ZNF492: variants seen among roughly 807,000 people sequenced by gnomAD.
ZNF492 encodes zinc finger protein 492.
A neutral mutation model predicts 6.4 loss-of-function variants in ZNF492; 3 were observed. That is an observed-to-expected ratio of 0.47 (90% CI 0.21 to 1.22). The LOEUF is 1.22. Ranked by LOEUF, ZNF492 falls within the 50% of genes most tolerant of loss-of-function variation. The probability of loss-of-function intolerance (pLI) is 0.22; values close to 1 mark genes in which losing one functional copy is unlikely to be tolerated. For synonymous variants in ZNF492, 112 were observed against 205.3 expected (o/e 0.55, Z 3.89); for missense variants, 356 against 612.5 (o/e 0.58, Z 4.42).
At chr19:22,655,420 G>C (rs1341492817) in intron 3 of ZNF492, among the ~76,000 whole-genome samples, 1 of 151,000 alleles carries the variant, frequency 6.6e-6, no homozygotes, top group East Asian at 1.9e-4. Flanking sequence ...GGTTAAATTT[G>C]TTCTCAGAAA....
chr19:22,653,615 C>T (rs1971964558), intron 2 of ZNF492, among the ~76,000 whole-genome samples, 182 bp downstream of exon 2: 1 of 151,928 alleles, frequency 6.6e-6, no homozygotes, highest in Non-Finnish European at 1.5e-5. Context: ...TTCCACACTC[C>T]TGAGCTGATC....
rs74406853 is a variant in ZNF492, at chr19:22,664,065, G to T, written c.396G>T (p.Thr132=). 5.0e-6 allele frequency: 8 copies of T among 1,602,938 alleles called. No homozygotes were observed. The highest frequency in any genetic ancestry group is 6.0e-6 in the Non-Finnish European group (7 of 1,174,320). ...AATTTTCAAATTCAAACAGACATAC[G>T]ATAAGACATACTGGAAAGAAATCTT... is the stretch of plus-strand genomic sequence containing the variant. The part of the protein sequence containing the change: ...FHKFSNSNRH[T]IRHTGKKSFK... Residue 132 remains threonine (T), a synonymous_variant, in exon 4 of 4, where the codon ACG becomes ACT. Coordinates refer to ENST00000456783, the MANE Select transcript of ZNF492 (RefSeq NM_020855.3).
Position 22,637,804 on chromosome 19 carries a change from T to TTCACTAC in ZNF492, c.-94+3331_-94+3332insCACTACT, listed in dbSNP as rs377737566. On this transcript the variant is annotated intron_variant, in intron 1 of 3. Coordinates refer to ENST00000456783, the MANE Select transcript of ZNF492 (RefSeq NM_020855.3). ...GTTCTGTGAGGAATCGTCACACTACTTTTTATAGTGGTTGAATAATTTACA... is the reference window on the plus strand; with the variant it reads ...GTTCTGTGAGGAATCGTCACACTACTTCACTACTTTTATAGTGGTTGAATAATTTACA... Among the ~76,000 whole-genome samples the TTCACTAC allele has an allele frequency of 8.5e-4, 129 of 152,306 alleles. 1 individual carries two copies. The highest frequency in any genetic ancestry group is 2.9e-3 in the African/African-American group (119 of 41,558).
rs1004690263 is a variant in ZNF492 at position 22,634,572 on chromosome 19, C to T, written c.-94+98C>T. On this transcript the variant is annotated intron_variant, in intron 1 of 3. Coordinates refer to ENST00000456783, the MANE Select transcript of ZNF492 (RefSeq NM_020855.3). ...GGGACTCAGGCCTCCCCGCAGTCGGCTCCACAATCTGCGCCCCAAGTTCGC... is the reference window on the plus strand; with the variant it reads ...GGGACTCAGGCCTCCCCGCAGTCGGTTCCACAATCTGCGCCCCAAGTTCGC... 2.6e-4 allele frequency: 310 copies of T among 1,171,780 alleles called. 2 individuals are homozygous for T. The highest frequency in any genetic ancestry group is 8.4e-5 in the Non-Finnish European group (68 of 809,514). 72.6% of individuals were successfully genotyped at this position (1,171,780 alleles called of 1,614,324 possible).
At chr19:22,639,066 T>C (rs1055690194) in intron 1 of ZNF492, among the ~76,000 whole-genome samples, 3 of 152,012 alleles carry the variant, frequency 2.0e-5, no homozygotes, top group Non-Finnish European at 2.9e-5. Context: ...GGTCTTCAAC[T>C]CCTGACCTCG....
At position 22,649,968 on chromosome 19, in the gene ZNF492, A is replaced by C. The variant is rs184214899; in HGVS notation, c.-93-3339A>C. 2.1e-3 allele frequency among the ~76,000 whole-genome samples: 326 copies of C among 152,036 alleles called. 2 individuals are homozygous for C. The highest frequency in any genetic ancestry group is 6.7e-3 in the African/African-American group (278 of 41,478). On this transcript the variant is annotated intron_variant, in intron 1 of 3. Coordinates refer to ENST00000456783, the MANE Select transcript of ZNF492 (RefSeq NM_020855.3). The stretch of plus-strand genomic sequence containing the variant: ...TGTCAATTTGTCTATCTCATTCTCC[A>C]TCCAGTTCTGCACCCTTGCTGGAGA...
chr19:22,663,892 G>A lies in ZNF492; in HGVS notation c.223G>A (p.Gly75Arg), dbSNP rs770288494. 16 of 1,589,044 alleles carry A rather than the reference G, an allele frequency of 1.0e-5. No homozygotes were observed. Among genetic ancestry groups the A allele is most frequent in the Middle Eastern group, 1.7e-4 (1 of 5,906 alleles). ...KVILRRYKKC[G>R]CENLQLRKYC... is the part of the protein sequence containing the mutation. ...GATACTGAGAAGATATAAAAAATGT[G>A]GATGTGAAAATTTACAGTTAAGAAA... The change falls in exon 4 of 4, where the codon GGA becomes AGA. Residue 75 changes from glycine to arginine, a missense_variant. Gly to Arg is a moderately radical substitution (Grantham distance 125). This residue lies in a region of ZNF492 where 196 missense variants were observed against 219.4 expected (regional missense o/e 0.89). Coordinates refer to ENST00000456783, the MANE Select transcript of ZNF492 (RefSeq NM_020855.3).
intron 1 of ZNF492, among the ~76,000 whole-genome samples, chr19:22,644,066 T>C (rs1336317846): frequency 1.3e-5 from 2 of 151,134 alleles, no homozygotes; most frequent in African/African-American, 4.9e-5. Flanking sequence ...GGTGGAGTTT[T>C]TTCTGTTTTG....
At chr19:22,654,129 T>A (rs1260521776) in intron 3 of ZNF492, 114 bp downstream of exon 3, 1 of 1,296,166 alleles carries the variant, frequency 7.7e-7, no homozygotes, top group East Asian at 2.7e-5. Context: ...AAGGAAATAG[T>A]TTCTGGGAAG....
At chr19:22,641,973 T>G (rs1324388704) in intron 1 of ZNF492, among the ~76,000 whole-genome samples, 1 of 152,052 alleles carries the variant, frequency 6.6e-6, no homozygotes, top group Admixed American at 6.6e-5. Flanking sequence ...TTTTGTGTTT[T>G]TAGTACAGAC....
Position 22,664,621 on chromosome 19 carries a change from T to G in ZNF492, c.952T>G (p.Phe318Val). The part of the protein sequence containing the change: ...FYKCEECGKA[F>V]SQLSHLTTHK... ...CAAATGTGAAGAATGTGGTAAGGCC[T>G]TTAGCCAGTTATCCCACCTTACTAC... The change falls in exon 4 of 4, where the codon TTT (phenylalanine) becomes GTT (valine). Residue 318 changes from phenylalanine to valine, a missense_variant. Physicochemically the swap from Phe to Val is conservative, Grantham distance 50. Transcript: ENST00000456783. The G allele has an allele frequency of 6.2e-7, 1 of 1,613,704 alleles. No individual in the cohort carries two copies. The highest frequency in any genetic ancestry group is 8.5e-7 in the Non-Finnish European group (1 of 1,179,866).
chr19:22,657,908 A>C (rs1351763854), intron 3 of ZNF492, among the ~76,000 whole-genome samples: 2 of 151,972 alleles, frequency 1.3e-5, no homozygotes, highest in Non-Finnish European at 2.9e-5. Flanking sequence ...CTGATTTTTA[A>C]TGGTGGCTTT....
chr19:22,657,475 T>G lies in ZNF492; in HGVS notation c.130+3460T>G, dbSNP rs1043079145. On this transcript the variant is annotated intron_variant, in intron 3 of 3. Transcript: ENST00000456783. ...ATCAGTTTGTCATTAGAGTCTTCTGTTTATGATTATACTGCATTTTATCTG... is the reference window on the plus strand; with the variant it reads ...ATCAGTTTGTCATTAGAGTCTTCTGGTTATGATTATACTGCATTTTATCTG... Among the ~76,000 whole-genome samples, 20 of 152,094 alleles carry G rather than the reference T, an allele frequency of 1.3e-4. 1 individual carries two copies. Among genetic ancestry groups the G allele is most frequent in the African/African-American group, 4.8e-4 (20 of 41,376 alleles).
At chr19:22,660,168 CT>C (rs1972044022) in intron 3 of ZNF492, among the ~76,000 whole-genome samples, 1 of 145,214 alleles carries the variant, frequency 6.9e-6, no homozygotes, top group African/African-American at 2.7e-5. Context: ...TAGATCTCTA[CT>C]GACTCTTGTA....
At chr19:22,660,600 T>C (rs532854998) in intron 3 of ZNF492, among the ~76,000 whole-genome samples, 13 of 149,992 alleles carry the variant, frequency 8.7e-5, no homozygotes, top group African/African-American at 3.2e-4. Context: ...AACAGTTGTT[T>C]ATAATTTCTG....
chr19:22,640,811 A>G (rs964595836), intron 1 of ZNF492, among the ~76,000 whole-genome samples: 3 of 152,072 alleles, frequency 2.0e-5, no homozygotes, highest in South Asian at 4.1e-4. Flanking sequence ...TTATTTATCT[A>G]TTAAGGGCTT....
At chr19:22,649,900 G>T (rs1971922215) in intron 1 of ZNF492, among the ~76,000 whole-genome samples, 1 of 152,060 alleles carries the variant, frequency 6.6e-6, no homozygotes, top group Non-Finnish European at 1.5e-5. Flanking sequence ...TGCTCCTTTA[G>T]CTCAGTGGAG....
intron 1 of ZNF492, 96 bp from the exon 2 acceptor site, chr19:22,653,211 A>G: frequency 7.1e-7 from 1 of 1,403,194 alleles, no homozygotes; most frequent in Non-Finnish European, 9.8e-7. Context: ...ATAAGTAAGA[A>G]CCAGTTCTCT....
At chr19:22,655,810 CTTGTTGTTTTT>C (rs1971989297) in intron 3 of ZNF492, among the ~76,000 whole-genome samples, 1 of 59,358 alleles carries the variant, frequency 1.7e-5, no homozygotes, top group Non-Finnish European at 3.3e-5. Flanking sequence ...TCAAGTTTTT[CTTGTTGTTTTT>C]TTTTTTTTTT....
Sources: gnomAD v4.1 joint callset for allele counts (sites outside exome capture counted in the v4.1 genomes callset) on GRCh38, gnomAD v4.1.1 for gene constraint, gnomAD v4.1.1 regional missense constraint, MANE v1.5 for transcripts, NCBI Gene and HGNC (gene_info 2026-07-23, HGNC 2026-07-21) for gene names.